UPF3B: variants seen among roughly 807,000 people sequenced by gnomAD.
The protein encoded by UPF3B is regulator of nonsense transcripts 3B.
UPF3B carries 7 observed loss-of-function variants against 40.3 expected under a neutral mutation model. That is an observed-to-expected ratio of 0.17 (90% CI 0.10 to 0.33). UPF3B has a LOEUF of 0.33. Among genes scored for constraint, UPF3B ranks in the 10% least tolerant of loss-of-function variants. UPF3B has a pLI of 1.00. For synonymous variants in UPF3B, 117 were observed against 117.3 expected, an observed-to-expected ratio of 1.00 and a Z score of 0.01; for missense variants, 229 against 358.9, an observed-to-expected ratio of 0.64 and a Z score of 2.93.
chrX:119,844,237 G>T (rs1442001094), intron 4 of UPF3B, among the ~76,000 whole-genome samples: 1 of 110,897 alleles, frequency 9.0e-6, no homozygotes, highest in Non-Finnish European at 1.9e-5. Context: ...TTTTAGTAGA[G>T]ATGGGGTGTC....
At chrX:119,821,817 C>CA (rs1292539497) in intron 4 of UPF3B, among the ~76,000 whole-genome samples, 5 of 108,275 alleles carry the variant, frequency 4.6e-5, no homozygotes, top group Non-Finnish European at 9.6e-5. Flanking sequence ...ACAAAAAAAA[C>CA]AAAAAAAACC....
intron 4 of UPF3B, among the ~76,000 whole-genome samples, chrX:119,817,245 G>A (rs1481010088): frequency 8.9e-6 from 1 of 112,064 alleles, no homozygotes; most frequent in Non-Finnish European, 1.9e-5. Flanking sequence ...GGGATTACAG[G>A]GGTGAGCCAC....
At chrX:119,815,979 A>C (rs902663590) in intron 4 of UPF3B, among the ~76,000 whole-genome samples, 2 of 111,181 alleles carry the variant, frequency 1.8e-5, no homozygotes, top group African/African-American at 6.5e-5. Context: ...ACGGGGTTTC[A>C]CCACGTAGGC....
intron 3 of UPF3B, among the ~76,000 whole-genome samples, chrX:119,847,903 C>A (rs2056254702): frequency 9.0e-6 from 1 of 111,189 alleles, no homozygotes. Flanking sequence ...TTCACAATAG[C>A]CAAGAGTGGA....
At chrX:119,824,007 C>T (rs1441890663) in intron 3 of UPF3B, among the ~76,000 whole-genome samples, 1 of 111,189 alleles carries the variant, frequency 9.0e-6, no homozygotes, top group Non-Finnish European at 1.9e-5. Flanking sequence ...GTGGTCCTCA[C>T]CCCCACTGCC....
At position 119,823,556 on chromosome X, in the gene UPF3B, C is replaced by CTTTTTTT. The variant is rs1569459617; in HGVS notation, c.393-514_393-513insAAAAAAA. Among the ~76,000 whole-genome samples the CTTTTTTT allele has an allele frequency of 1.7e-4, 7 of 42,090 alleles. 2 individuals are homozygous for CTTTTTTT. The highest frequency in any genetic ancestry group is 1.2e-3 in the South Asian group (1 of 852). 36.6% of individuals were successfully genotyped at this position (42,090 alleles called of 115,157 possible). A position where few individuals can be genotyped will look rare whatever the true frequency, so the allele number is the denominator to read the frequency against. On this transcript the variant is annotated intron_variant, in intron 3 of 6. Transcript: ENST00000636792. ...CTGGCCCATTTCTTTTCTTTTTTTC[C>CTTTTTTT]TCTTTTTTTTTTTTTTTTTTTGTCT...
rs1438987981 is a variant in UPF3B, at chrX:119,838,088, G to A, written c.1008-37C>T. On this transcript the variant is annotated intron_variant, in intron 9 of 10. Coordinates refer to ENST00000276201, the MANE Select transcript of UPF3B (RefSeq NM_080632.3). ...ACAAATCTGAGACAGAACCCTGAAA[G>A]ATCTTGTAATCACAAATGCAGGAAC... 5.0e-6 allele frequency: 6 copies of A among 1,200,325 alleles called. No homozygotes were observed. In the African/African-American group the frequency reaches 5.3e-5, roughly 11 times the overall value.
intron 3 of UPF3B, among the ~76,000 whole-genome samples, chrX:119,847,095 T>C (rs1330363394): frequency 8.9e-6 from 1 of 112,401 alleles, no homozygotes; most frequent in Admixed American, 9.5e-5. Context: ...TCACGCCTAT[T>C]AGGAGGACTA....
chrX:119,813,392 C>A (rs895988797), intron 5 of UPF3B, among the ~76,000 whole-genome samples: 3 of 109,625 alleles, frequency 2.7e-5, no homozygotes, highest in African/African-American at 1.0e-4. Context: ...GCACCTCCTC[C>A]CCGCACTCAC....
intron 5 of UPF3B, among the ~76,000 whole-genome samples, chrX:119,814,298 T>TA (rs958181195): frequency 3.6e-5 from 4 of 111,299 alleles, no homozygotes; most frequent in East Asian, 2.8e-4. Flanking sequence ...TACCTCTTAA[T>TA]AAAAAAAATG....
chrX:119,845,326 A>G, intron 3 of UPF3B, 30 bp from the exon 4 acceptor site: 2 of 1,112,011 alleles, frequency 1.8e-6, no homozygotes, highest in East Asian at 3.0e-5. Flanking sequence ...CACACTTGCT[A>G]TAACAAAGAA....
At chrX:119,845,094 T>C (rs1337309330) in intron 4 of UPF3B, 104 bp downstream of exon 4, 2 of 629,584 alleles carry the variant, frequency 3.2e-6, no homozygotes, top group South Asian at 2.4e-5. Context: ...CTTTATTTTG[T>C]ATATTTTCTA....
In UPF3B at chrX:119,809,163, G is replaced by A. The variant is rs935851832; in HGVS notation, c.603-1582C>T. On this transcript the variant is annotated intron_variant, in intron 5 of 6. Coordinates refer to the UPF3B transcript ENST00000636792. ...CCTTACATGACAGCAGGCGAGAGGTGAATTGCGAGTATAGGAAAAACTGCC... is the reference window on the plus strand; with the variant it reads ...CCTTACATGACAGCAGGCGAGAGGTAAATTGCGAGTATAGGAAAAACTGCC... Among the ~76,000 whole-genome samples the A allele has an allele frequency of 2.7e-5, 3 of 111,210 alleles. No homozygotes were observed. The Admixed American group carries it at 2.9e-4, about 11-fold the overall frequency.
intron 10 of UPF3B, among the ~76,000 whole-genome samples, chrX:119,837,518 A>T (rs1187718824): frequency 9.3e-6 from 1 of 107,151 alleles, no homozygotes; most frequent in African/African-American, 3.4e-5. Context: ...TGGGAGGCTG[A>T]AGCAGAAGAA....
downstream of UPF3B, among the ~76,000 whole-genome samples, chrX:119,832,402 G>A (rs1435483924): frequency 9.0e-6 from 1 of 111,541 alleles, no homozygotes; most frequent in Non-Finnish European, 1.9e-5. Context: ...GGGATTACAG[G>A]TGCCCACCAC....
At chrX:119,844,600 TTTTC>T (rs2056204702) in intron 4 of UPF3B, among the ~76,000 whole-genome samples, 1 of 110,342 alleles carries the variant, frequency 9.1e-6, no homozygotes, top group South Asian at 3.8e-4. Context: ...TTTTCCACTA[TTTTC>T]TTTTTCTTTT....
intron 10 of UPF3B, 30 bp from the exon 11 acceptor site, chrX:119,835,057 C>G: frequency 8.5e-7 from 1 of 1,176,915 alleles, no homozygotes; most frequent in Non-Finnish European, 1.1e-6. Flanking sequence ...GTTACCATTA[C>G]AACAATGCTA....
chrX:119,813,764 A>G (rs1002742374), intron 5 of UPF3B, among the ~76,000 whole-genome samples: 1 of 109,738 alleles, frequency 9.1e-6, no homozygotes, highest in African/African-American at 3.3e-5. Flanking sequence ...GGGTTTCACC[A>G]TGTTGGCCAG....
chrX:119,837,641 A>T, intron 10 of UPF3B, 116 bp downstream of exon 10: 5 of 675,529 alleles, frequency 7.4e-6, no homozygotes, highest in Non-Finnish European at 1.1e-5. Flanking sequence ...AAAAAGTTGC[A>T]GATGATTAAA....
Sources: gnomAD v4.1 joint callset for allele counts (sites outside exome capture counted in the v4.1 genomes callset) on GRCh38, gnomAD v4.1.1 for gene constraint, MANE v1.5 for transcripts, NCBI Gene and HGNC (gene_info 2026-07-23, HGNC 2026-07-21) for gene names.